The following LARS1 variants were observed in gnomAD, a reference collection of about 807,000 sequenced individuals.
LARS1 encodes leucyl-tRNA synthetase 1, also known as leucine--tRNA ligase, cytoplasmic.
In LARS1, 100 loss-of-function variants were observed where a neutral mutation model predicts 162.8. The ratio of observed to expected loss-of-function variants is 0.61; its 90% confidence interval spans 0.52 to 0.73. LARS1 has a LOEUF of 0.73. Ranked by LOEUF, LARS1 falls within the 30% of genes least tolerant of loss-of-function variation. The pLI is 0.00. For synonymous variants in LARS1, 457 were observed against 462.8 expected, an observed-to-expected ratio of 0.99 and a Z score of 0.16; for missense variants, 1,258 against 1,408.9, an observed-to-expected ratio of 0.89 and a Z score of 1.71.
At position 146,133,088 on chromosome 5, in the gene LARS1, G is replaced by A. The variant is rs924241201; in HGVS notation, c.2213-7C>T. The A allele has an allele frequency of 2.5e-6, 4 of 1,602,310 alleles. No homozygotes were observed. The highest frequency in any genetic ancestry group is 1.8e-5 in the Admixed American group (1 of 57,082). ...GCCAGAGCCAAACGCATTCCTGGAA[G>A]AAGAAAAAAAAATTCAATGCATTAA... On this transcript the variant is annotated splice_region_variant and splice_polypyrimidine_tract_variant and intron_variant, in intron 22 of 31. Transcript: ENST00000394434.
intron 10 of LARS1, among the ~76,000 whole-genome samples, chr5:146,155,845 A>C (rs769327938): frequency 6.6e-6 from 1 of 152,254 alleles, no homozygotes; most frequent in Non-Finnish European, 1.5e-5. Flanking sequence ...CTTCTCAGAC[A>C]AAATTCCAAC....
rs190042419 is a variant in LARS1, at chr5:146,178,529, G to A, written c.7-864C>T. On this transcript the variant is annotated intron_variant, in intron 1 of 31. Coordinates refer to ENST00000394434, the MANE Select transcript of LARS1 (RefSeq NM_020117.11). ...CTTGGGAGGCTGAGGCAGGAGAATC[G>A]CTTGAACCTGGGAGGTGGAAGTTGC... 4.9e-4 allele frequency among the ~76,000 whole-genome samples: 74 copies of A among 151,254 alleles called. No homozygotes were observed. The East Asian group carries it at 0.013, about 26-fold the overall frequency.
chr5:146,169,335 C>T (rs1365906474), intron 4 of LARS1, among the ~76,000 whole-genome samples: 1 of 151,896 alleles, frequency 6.6e-6, no homozygotes, highest in East Asian at 1.9e-4. Flanking sequence ...AAAGATGACA[C>T]CAAGTAAACA....
chr5:146,175,540 CAAA>C (rs869050326), intron 2 of LARS1, among the ~76,000 whole-genome samples: 8 of 64,738 alleles, frequency 1.2e-4, no homozygotes, highest in Non-Finnish European at 5.5e-5. Flanking sequence ...GACTCCACCT[CAAA>C]AAAAAAAAAA....
chr5:146,139,200 G>A (rs544412874), intron 21 of LARS1, among the ~76,000 whole-genome samples: 34 of 151,928 alleles, frequency 2.2e-4, no homozygotes, highest in African/African-American at 7.7e-4. Context: ...AAAATTAGCC[G>A]GGCATGGTGG....
chr5:146,147,394 T>C (rs1396904489), intron 15 of LARS1, among the ~76,000 whole-genome samples: 1 of 149,734 alleles, frequency 6.7e-6, no homozygotes, highest in Non-Finnish European at 1.5e-5. Context: ...GCAAGACCCC[T>C]GTCTCTTTAA....
intron 30 of LARS1, among the ~76,000 whole-genome samples, chr5:146,121,419 C>T (rs1751813831): frequency 6.6e-6 from 1 of 152,010 alleles, no homozygotes; most frequent in South Asian, 2.1e-4. Flanking sequence ...AACAGAATGT[C>T]CTTCCTCAAG....
intron 4 of LARS1, among the ~76,000 whole-genome samples, chr5:146,170,556 T>C (rs1346765711): frequency 6.6e-6 from 1 of 152,084 alleles, no homozygotes; most frequent in African/African-American, 2.4e-5. Context: ...GACGATAATA[T>C]AACATCAATG....
In LARS1 at chr5:146,157,396, A is replaced by G. The variant is rs1330903559; in HGVS notation, c.1065+7T>C. 2 of 1,610,854 alleles carry G rather than the reference A, an allele frequency of 1.2e-6. No homozygotes were observed. Among genetic ancestry groups the G allele is most frequent in the South Asian group, 2.2e-5 (2 of 90,600 alleles). On this transcript the variant is annotated splice_region_variant and intron_variant, in intron 10 of 31. Transcript: ENST00000394434. ...CATTAAAATAAAAAATCTGCTATCC[A>G]ACTTACCTCCCCCATTAATTCCTTA...
chr5:146,174,503 T>TATATATATATATATCC lies in LARS1; in HGVS notation c.126-1730_126-1729insGGATATATATATATAT, dbSNP rs1754436793. On this transcript the variant is annotated intron_variant, in intron 2 of 31. Transcript: ENST00000394434. ...ATATATCCATATATATATATATCCA[T>TATATATATATATATCC]ATATATATATATATATCCATATATA... is the stretch of plus-strand genomic sequence containing the variant. Among the ~76,000 whole-genome samples the TATATATATATATATCC allele has an allele frequency of 6.4e-4, 8 of 12,538 alleles. 1 individual carries two copies. The highest frequency in any genetic ancestry group is 5.8e-3 in the South Asian group (2 of 346). 8.2% of individuals were successfully genotyped at this position (12,538 alleles called of 152,430 possible). A position where few individuals can be genotyped will look rare whatever the true frequency, so the allele number is the denominator to read the frequency against.
At position 146,132,926 on chromosome 5, in the gene LARS1, T is replaced by C. The variant is rs551220608; in HGVS notation, c.2368A>G (p.Ser790Gly). The C allele has an allele frequency of 1.6e-5, 26 of 1,614,108 alleles. No homozygotes were observed. Among genetic ancestry groups the C allele is most frequent in the Admixed American group, 1.5e-4 (9 of 60,026 alleles). Residue 790 changes from serine to glycine, a missense_variant, in exon 23 of 32, where the codon AGC (serine) becomes GGC (glycine). Physicochemically the swap from Ser to Gly is moderately conservative, Grantham distance 56. Coordinates refer to ENST00000394434, the MANE Select transcript of LARS1 (RefSeq NM_020117.11). Reference sequence around the variant, plus strand: ...GCAAAAACTCTATCATTGAAAGTGCTGGCAGGACCACTTCTTAGGCTGTCC... The same window carrying C: ...GCAAAAACTCTATCATTGAAAGTGCCGGCAGGACCACTTCTTAGGCTGTCC... Reference protein sequence around the residue: ...NWDSLRSGPASTFNDRVFASE... With the variant: ...NWDSLRSGPAGTFNDRVFASE...
intron 21 of LARS1, among the ~76,000 whole-genome samples, chr5:146,136,079 T>C (rs1205404425): frequency 2.0e-5 from 3 of 152,252 alleles, no homozygotes; most frequent in Non-Finnish European, 2.9e-5. Flanking sequence ...GGAACCCTCC[T>C]ATCATTAGGG....
intron 21 of LARS1, 81 bp downstream of exon 21, chr5:146,140,123 A>T (rs1382663882): frequency 4.6e-6 from 5 of 1,078,176 alleles, no homozygotes; most frequent in Non-Finnish European, 5.7e-6. Flanking sequence ...TTTCTTACAT[A>T]CATTTAAAAA....
At chr5:146,168,924 A>G (rs947443986) in intron 4 of LARS1, among the ~76,000 whole-genome samples, 3 of 151,978 alleles carry the variant, frequency 2.0e-5, no homozygotes, top group Non-Finnish European at 4.4e-5. Context: ...GATTACTGTC[A>G]GGAGGGGGGA....
chr5:146,144,521 C>G lies in LARS1; in HGVS notation c.1606G>C (p.Glu536Gln), dbSNP rs780687355. ...GATGTCTGTTTCTTCCAATTCTCTT[C>G]TCCATAATCCAAGTACCTGGGAGTG... ...LCDQWYLDYG[E>Q]ENWKKQTSQC... is the part of the protein sequence containing the mutation. The change falls in exon 17 of 32, where the codon GAA becomes CAA. Residue 536 changes from glutamate to glutamine, a missense_variant. By Grantham distance (29) the Glu-to-Gln change is conservative. Coordinates refer to ENST00000394434, the MANE Select transcript of LARS1 (RefSeq NM_020117.11). 1 of 1,613,922 alleles carries G rather than the reference C, an allele frequency of 6.2e-7. No individual in the cohort carries two copies. The highest frequency in any genetic ancestry group is 8.5e-7 in the Non-Finnish European group (1 of 1,179,954).
At chr5:146,159,210 A>G (rs1433005071) in intron 8 of LARS1, among the ~76,000 whole-genome samples, 197 bp downstream of exon 8, 1 of 152,172 alleles carries the variant, frequency 6.6e-6, no homozygotes, top group Non-Finnish European at 1.5e-5. Context: ...CTGTCCTCAC[A>G]TGACTCTTAG....
At chr5:146,181,466 A>T (rs1754836777) in intron 1 of LARS1, among the ~76,000 whole-genome samples, 1 of 152,056 alleles carries the variant, frequency 6.6e-6, no homozygotes, top group Non-Finnish European at 1.5e-5. Context: ...GCTTGACCCC[A>T]GGAGTTCGAA....
chr5:146,132,987 G>A lies in LARS1; in HGVS notation c.2307C>T (p.Thr769=), dbSNP rs965480723. Residue 769 remains threonine (T), a synonymous_variant, in exon 23 of 32, where the codon ACC becomes ACT. Coordinates refer to ENST00000394434, the MANE Select transcript of LARS1 (RefSeq NM_020117.11). ...CCATTTCTTTCACCCACTCTACCCA[G>A]GTGTACAGACGGAGAATACCTGCAT... ...MADAGILRLY[T]WVEWVKEMVA... The A allele has an allele frequency of 6.2e-6, 10 of 1,614,020 alleles. No homozygotes were observed. The highest frequency in any genetic ancestry group is 7.6e-6 in the Non-Finnish European group (9 of 1,179,960).
intron 27 of LARS1, 104 bp downstream of exon 27, chr5:146,128,568 C>A: frequency 1.6e-6 from 1 of 631,366 alleles, no homozygotes; most frequent in Non-Finnish European, 2.6e-6. Context: ...TGAAACAAAG[C>A]TGCCTATCTT....
Sources: allele counts gnomAD v4.1 joint callset (sites outside exome capture counted in the v4.1 genomes callset), GRCh38; gene constraint gnomAD v4.1.1; transcripts MANE v1.5; gene names NCBI Gene and HGNC (gene_info 2026-07-23, HGNC 2026-07-21).